The following PCBP3 variants were observed in gnomAD, a reference collection of about 807,000 sequenced individuals.
PCBP3 encodes the protein poly(rC)-binding protein 3.
Under a neutral mutation model 52.7 loss-of-function variants are expected in PCBP3, and 25 were observed. That is an observed-to-expected ratio of 0.47 (90% CI 0.35 to 0.66). PCBP3 has a LOEUF of 0.66. PCBP3 is among the 30% of genes least tolerant of loss of function. PCBP3 has a pLI of 0.01. For missense variants in PCBP3, 391 were observed against 490.3 expected (o/e 0.80, Z 1.91); for synonymous variants, 162 against 183.0 (o/e 0.89, Z 0.93).
intron 4 of PCBP3, among the ~76,000 whole-genome samples, chr21:45,785,563 C>T (rs1343261331): frequency 1.1e-4 from 16 of 151,032 alleles, no homozygotes; most frequent in Non-Finnish European, 2.1e-4. Flanking sequence ...GTGAGGGGCG[C>T]CTCTGCCCGG....
chr21:45,721,455 C>T (rs904273362), intron 2 of PCBP3, among the ~76,000 whole-genome samples: 2 of 151,184 alleles, frequency 1.3e-5, no homozygotes, highest in African/African-American at 2.4e-5. Context: ...CAGGGCTGAC[C>T]GTGAGTATTT....
chr21:45,837,984 G>C lies in PCBP3; in HGVS notation c.-125-11977G>C, dbSNP rs1391996984. 6.6e-6 allele frequency among the ~76,000 whole-genome samples: 1 copy of C among 152,226 alleles called. No individual in the cohort carries two copies. Among genetic ancestry groups the C allele is most frequent in the Non-Finnish European group, 1.5e-5 (1 of 68,044 alleles). ...TTATTAGTTGGGATTCATCTATGTG[G>C]AATAACGTTTGCCTCATCCACTAGG... On this transcript the variant is annotated intron_variant, in intron 4 of 17. Coordinates refer to ENST00000681687, the MANE Select transcript of PCBP3 (RefSeq NM_001384156.1). This position sits in a 1 kb window ranked among gnomAD's most constrained non-coding sequence, Gnocchi z 4.1.
intron 5 of PCBP3, chr21:45,872,267 A>C (rs1455591468): frequency 6.6e-6 from 1 of 152,214 alleles, no homozygotes; most frequent in South Asian, 2.1e-4. Context: ...AAGTAATCGG[A>C]GGCTCGTCTG....
chr21:45,889,889 A>C (rs1404435352), intron 5 of PCBP3, among the ~76,000 whole-genome samples: 1 of 152,220 alleles, frequency 6.6e-6, no homozygotes, highest in Non-Finnish European at 1.5e-5. Flanking sequence ...ATACTTATGA[A>C]AACCAAAGGG....
At chr21:45,769,039 G>A (rs2145747713) in intron 4 of PCBP3, among the ~76,000 whole-genome samples, 1 of 152,372 alleles carries the variant, frequency 6.6e-6, no homozygotes, top group South Asian at 2.1e-4. Context: ...GTTACCAGAA[G>A]TAAGGTTCAG....
At chr21:45,845,580 G>A (rs1005966483) in intron 4 of PCBP3, among the ~76,000 whole-genome samples, 4 of 150,324 alleles carry the variant, frequency 2.7e-5, no homozygotes, top group Non-Finnish European at 4.4e-5. Flanking sequence ...GTGTGCACAC[G>A]TGTGAGTGTG....
At chr21:45,783,919 G>A (rs942732862) in intron 4 of PCBP3, among the ~76,000 whole-genome samples, 1 of 152,192 alleles carries the variant, frequency 6.6e-6, no homozygotes, top group Non-Finnish European at 1.5e-5. Context: ...CACAAAGCAC[G>A]GAATTCAGTG....
intron 1 of PCBP3, among the ~76,000 whole-genome samples, chr21:45,663,228 C>T (rs181383717): frequency 2.0e-5 from 3 of 152,266 alleles, no homozygotes; most frequent in Admixed American, 6.5e-5. Flanking sequence ...CCAGTGAACA[C>T]GTGACCCACG....
chr21:45,854,820 G>A (rs2094204418), intron 5 of PCBP3, among the ~76,000 whole-genome samples: 1 of 152,198 alleles, frequency 6.6e-6, no homozygotes, highest in African/African-American at 2.4e-5. Context: ...AATGAAGCTG[G>A]GTGTGGGCTC....
rs112383564 is a variant in PCBP3 at position 45,791,167 on chromosome 21, T to C, written c.-126+35715T>C. On this transcript the variant is annotated intron_variant, in intron 4 of 17. Transcript: ENST00000681687. The surrounding 1 kb of genome is among the most constrained non-coding windows in gnomAD (Gnocchi z 4.2). ...CCTCACAACAAGGCTGTGTTGGTCGTCAGCCCAGCGTGGGAAGGGGGAGTT... is the reference window on the plus strand; with the variant it reads ...CCTCACAACAAGGCTGTGTTGGTCGCCAGCCCAGCGTGGGAAGGGGGAGTT... Among the ~76,000 whole-genome samples the C allele has an allele frequency of 1.2e-3, 178 of 152,230 alleles. 2 individuals carry two copies. Among genetic ancestry groups the C allele is most frequent in the African/African-American group, 3.9e-3 (164 of 41,526 alleles).
chr21:45,680,883 A>G (rs2081797832), intron 2 of PCBP3, among the ~76,000 whole-genome samples: 1 of 152,184 alleles, frequency 6.6e-6, no homozygotes. Context: ...TACTGCTATA[A>G]CAAAATACCT....
chr21:45,719,740 C>A (rs1356346402), intron 2 of PCBP3, among the ~76,000 whole-genome samples: 2 of 152,140 alleles, frequency 1.3e-5, no homozygotes, highest in Non-Finnish European at 2.9e-5. Context: ...AATTAAACTT[C>A]TTTTCTTTAT....
At chr21:45,793,494 A>G (rs554562510) in intron 4 of PCBP3, among the ~76,000 whole-genome samples, 2 of 152,270 alleles carry the variant, frequency 1.3e-5, no homozygotes, top group South Asian at 4.1e-4. Context: ...TCTGAGGACC[A>G]GGAAAGAGAG....
intron 2 of PCBP3, among the ~76,000 whole-genome samples, chr21:45,721,613 A>C (rs2084648794): frequency 6.6e-6 from 1 of 152,290 alleles, no homozygotes; most frequent in Non-Finnish European, 1.5e-5. Context: ...TATTAAAGAC[A>C]CCAGAATTTC....
intron 5 of PCBP3, among the ~76,000 whole-genome samples, chr21:45,876,949 G>T (rs921811156): frequency 6.6e-6 from 1 of 152,254 alleles, no homozygotes; most frequent in African/African-American, 2.4e-5. Context: ...CCTTCTCGGG[G>T]CAAGCAGTGG....
chr21:45,924,504 A>G (rs2075064730), intron 13 of PCBP3, among the ~76,000 whole-genome samples: 1 of 75,958 alleles, frequency 1.3e-5, no homozygotes, highest in Non-Finnish European at 2.6e-5. Context: ...CACCGGGAAC[A>G]GTCGAGTGGA....
intron 5 of PCBP3, among the ~76,000 whole-genome samples, chr21:45,879,514 G>A (rs911005665): frequency 5.3e-5 from 8 of 152,260 alleles, no homozygotes; most frequent in African/African-American, 9.6e-5. Context: ...CACAGTACAC[G>A]TGGTTTTTAT....
chr21:45,674,975 C>T (rs1248971520), intron 2 of PCBP3, among the ~76,000 whole-genome samples: 1 of 152,168 alleles, frequency 6.6e-6, no homozygotes, highest in Non-Finnish European at 1.5e-5. Context: ...ATTTCTCTTG[C>T]TCTGGATGCC....
chr21:45,822,740 G>T (rs1455200449), intron 4 of PCBP3, among the ~76,000 whole-genome samples: 1 of 152,184 alleles, frequency 6.6e-6, no homozygotes, highest in African/African-American at 2.4e-5. Flanking sequence ...CCTGGCACAG[G>T]ACACACCCAT....
Sources: gnomAD v4.1 joint callset for allele counts (sites outside exome capture counted in the v4.1 genomes callset) on GRCh38, gnomAD v4.1.1 for gene constraint, Gnocchi (gnomAD v3.1) non-coding constraint, MANE v1.5 for transcripts, NCBI Gene and HGNC (gene_info 2026-07-23, HGNC 2026-07-21) for gene names.